The following IQCH variants were observed in gnomAD, a reference collection of about 807,000 sequenced individuals.
IQCH encodes IQ domain-containing protein H.
A neutral mutation model predicts 117.0 loss-of-function variants in IQCH; 98 were observed. The ratio of observed to expected loss-of-function variants is 0.84; its 90% confidence interval spans 0.71 to 0.99. IQCH has a LOEUF of 0.99. IQCH is among the 50% of genes least tolerant of loss of function. The probability of loss-of-function intolerance (pLI) is 0.00; values close to 1 mark genes in which losing one functional copy is unlikely to be tolerated. For synonymous variants in IQCH, 412 were observed against 448.2 expected, an observed-to-expected ratio of 0.92 and a Z score of 1.02; for missense variants, 1,102 against 1,243.8, an observed-to-expected ratio of 0.89 and a Z score of 1.72.
chr15:67,263,012 G>C (rs1965522401), intron 2 of IQCH, 110 bp from the exon 3 acceptor site: 3 of 693,300 alleles, frequency 4.3e-6, no homozygotes, highest in Non-Finnish European at 7.8e-6. Context: ...TACATAGCAT[G>C]TTGTGGTTTT....
intron 17 of IQCH, among the ~76,000 whole-genome samples, chr15:67,471,672 G>A (rs916263684): frequency 1.2e-4 from 18 of 152,264 alleles, no homozygotes; most frequent in South Asian, 2.1e-4. Context: ...AGTTTAATAT[G>A]TGAAAATAAT....
chr15:67,450,199 T>C (rs1309328892), intron 16 of IQCH, among the ~76,000 whole-genome samples: 3 of 152,208 alleles, frequency 2.0e-5, no homozygotes, highest in African/African-American at 4.8e-5. Flanking sequence ...CTTTTCCTAA[T>C]TGAATACCCT....
intron 16 of IQCH, among the ~76,000 whole-genome samples, chr15:67,464,704 G>A (rs1239848742): frequency 6.6e-6 from 1 of 152,176 alleles, no homozygotes; most frequent in African/African-American, 2.4e-5. Flanking sequence ...AGGGCAAACT[G>A]CCCTTTCTCA....
rs868505804 is a variant in IQCH at position 67,319,130 on chromosome 15, G to A, written c.388-17845G>A. On this transcript the variant is annotated intron_variant, in intron 4 of 20. Transcript: ENST00000335894. ...TAGTCCCAGTTACTAGGGAGGCTGAGGCAGGAGAATGGCATGAATCCGGGA... is the reference window on the plus strand; with the variant it reads ...TAGTCCCAGTTACTAGGGAGGCTGAAGCAGGAGAATGGCATGAATCCGGGA... Among the ~76,000 whole-genome samples the A allele has an allele frequency of 6.6e-5, 10 of 152,310 alleles. 1 individual carries two copies. The Middle Eastern group carries it at 0.017, about 259-fold the overall frequency.
rs1187466815 is a variant in IQCH at position 67,342,964 on chromosome 15, T to G, written c.509-1099T>G. On this transcript the variant is annotated intron_variant, in intron 5 of 20. Transcript: ENST00000335894. This position sits in a 1 kb window ranked among gnomAD's most constrained non-coding sequence, Gnocchi z 4.7. The stretch of plus-strand genomic sequence containing the variant: ...CGCTTTTAATAACAAATTCTTCTCC[T>G]AAATGATTCTTCAGTAAGTAAACTG... Among the ~76,000 whole-genome samples the G allele has an allele frequency of 6.6e-6, 1 of 152,150 alleles. No individual in the cohort carries two copies. The highest frequency in any genetic ancestry group is 1.5e-5 in the Non-Finnish European group (1 of 67,998).
Position 67,481,182 on chromosome 15 carries a change from C to T in IQCH, c.2799+5364C>T, listed in dbSNP as rs958070449. The stretch of plus-strand genomic sequence containing the variant: ...ATGAATCCAACAAAGATTATGGCAT[C>T]CAGTACTGTATTAGTCTGTTCTCAT... On this transcript the variant is annotated intron_variant, in intron 18 of 20. Coordinates refer to ENST00000335894, the MANE Select transcript of IQCH (RefSeq NM_001031715.3). This position sits in a 1 kb window ranked among gnomAD's most constrained non-coding sequence, Gnocchi z 4.1. Among the ~76,000 whole-genome samples, 1 of 152,066 alleles carries T rather than the reference C, an allele frequency of 6.6e-6. No individual in the cohort carries two copies. Among genetic ancestry groups the T allele is most frequent in the African/African-American group, 2.4e-5 (1 of 41,400 alleles).
intron 18 of IQCH, among the ~76,000 whole-genome samples, chr15:67,485,325 GACTAGCGA>G (rs1376682413): frequency 6.6e-6 from 1 of 152,078 alleles, no homozygotes; most frequent in Non-Finnish European, 1.5e-5. Flanking sequence ...CAGAACAAAT[GACTAGCGA>G]ACTAGAAAAC....
chr15:67,440,287 A>T (rs975564796), intron 16 of IQCH, among the ~76,000 whole-genome samples: 4 of 152,250 alleles, frequency 2.6e-5, no homozygotes, highest in Admixed American at 2.0e-4. Context: ...TGTACCAGAC[A>T]TTCAGAGAAG....
rs1301021007 is a variant in IQCH at position 67,400,221 on chromosome 15, T to C, written c.2013T>C (p.Ile671=). ...GAAATGGGACTGCATTTTGTGATAT[T>C]CCTTCCTACCTAAAGTGCTACAAAT... ...FRGNGTAFCD[I]PSYLKCYKWV... The change falls in exon 14 of 21, where the codon ATT becomes ATC. Residue 671 remains isoleucine (I), a synonymous_variant. Transcript: ENST00000335894. 1.2e-6 allele frequency: 2 copies of C among 1,613,614 alleles called. No homozygotes were observed. Among genetic ancestry groups the C allele is most frequent in the Admixed American group, 1.7e-5 (1 of 60,000 alleles).
At chr15:67,360,003 G>T (rs1157556489) in intron 8 of IQCH, 118 bp downstream of exon 8, 6 of 704,158 alleles carry the variant, frequency 8.5e-6, no homozygotes, top group East Asian at 5.5e-5. Flanking sequence ...ACAAAAGTTC[G>T]TGCTTCCTTT....
intron 7 of IQCH, among the ~76,000 whole-genome samples, chr15:67,358,207 C>CTCTTTTTTTTTTTTTTTTTTTTTTTTTT (rs768931234): frequency 9.6e-5 from 1 of 10,450 alleles, no homozygotes; most frequent in African/African-American, 3.4e-4. Context: ...ACTTTCTTTT[C>CTCTTTTTTTTTTTTTTTTTTTTTTTTTT]TTTTTTTTTT....
chr15:67,361,787 A>G (rs1433028481), intron 8 of IQCH, among the ~76,000 whole-genome samples: 2 of 152,218 alleles, frequency 1.3e-5, no homozygotes, highest in African/African-American at 4.8e-5. Context: ...GAAGAATAAA[A>G]AATGATAGTA....
chr15:67,452,958 G>A (rs969951221), intron 16 of IQCH, among the ~76,000 whole-genome samples: 13 of 151,946 alleles, frequency 8.6e-5, no homozygotes, highest in Non-Finnish European at 1.0e-4. Context: ...TCCTCTTCTC[G>A]CTTCATTTCA....
chr15:67,327,863 C>T (rs1968481620), intron 4 of IQCH, among the ~76,000 whole-genome samples: 1 of 152,140 alleles, frequency 6.6e-6, no homozygotes, highest in Non-Finnish European at 1.5e-5. Flanking sequence ...ATCTCCTGTC[C>T]TTCTTGCAAT....
chr15:67,314,056 A>G (rs1056851091), intron 4 of IQCH, among the ~76,000 whole-genome samples: 6 of 152,122 alleles, frequency 3.9e-5, no homozygotes, highest in African/African-American at 1.4e-4. Context: ...GAACTGGCCA[A>G]TCTAACTGGA....
chr15:67,374,058 A>AT (rs1970655914), intron 10 of IQCH: 4 of 152,400 alleles, frequency 2.6e-5, no homozygotes, highest in African/African-American at 7.2e-5. Flanking sequence ...GAATTGGGGA[A>AT]CTTAAAAGCT....
chr15:67,396,865 T>C (rs1167293611), intron 13 of IQCH, among the ~76,000 whole-genome samples: 1 of 152,242 alleles, frequency 6.6e-6, no homozygotes, highest in Non-Finnish European at 1.5e-5. Flanking sequence ...CTTATTAAAT[T>C]GCCAGCAAGT....
intron 4 of IQCH, among the ~76,000 whole-genome samples, chr15:67,317,711 CAAAATGCATTATGCATAG>C (rs1436476785): frequency 6.6e-6 from 1 of 152,042 alleles, no homozygotes; most frequent in Non-Finnish European, 1.5e-5. Flanking sequence ...GGGTACCTTA[CAAAATGCATTATGCATAG>C]AAGGTACTCA....
In IQCH at chr15:67,372,074, T is replaced by C. The variant is rs199511234; in HGVS notation, c.754-37T>C. 1.1e-4 allele frequency: 162 copies of C among 1,528,094 alleles called. 1 individual carries two copies. The East Asian group carries it at 3.1e-3, about 30-fold the overall frequency. 94.7% of individuals were successfully genotyped at this position (1,528,094 alleles called of 1,614,324 possible). A position where few individuals can be genotyped will look rare whatever the true frequency, so the allele number is the denominator to read the frequency against. On this transcript the variant is annotated intron_variant, in intron 8 of 20. Transcript: ENST00000335894. ...CACTCATTTAAAGGAGATCATAATA[T>C]CTTTCACTTCTAAAATATATTTCTT...
Sources: allele counts gnomAD v4.1 joint callset (sites outside exome capture counted in the v4.1 genomes callset), GRCh38; gene constraint gnomAD v4.1.1; non-coding constraint Gnocchi (gnomAD v3.1); transcripts MANE v1.5; gene names NCBI Gene and HGNC (gene_info 2026-07-23, HGNC 2026-07-21).